The following TBXAS1 variants were observed in gnomAD, a reference collection of about 807,000 sequenced individuals.
TBXAS1 encodes thromboxane-A synthase.
In TBXAS1, 48 loss-of-function variants were observed where a neutral mutation model predicts 60.7. The ratio of observed to expected loss-of-function variants is 0.79; its 90% confidence interval spans 0.63 to 1.01. TBXAS1 has a LOEUF of 1.01. Ranked by LOEUF, TBXAS1 falls within the 50% of genes least tolerant of loss-of-function variation. The pLI, the probability that TBXAS1 is intolerant of heterozygous loss-of-function variation, is 0.00. For synonymous variants in TBXAS1, 287 were observed against 269.7 expected, an observed-to-expected ratio of 1.06 and a Z score of -0.63; for missense variants, 685 against 686.3, an observed-to-expected ratio of 1.00 and a Z score of 0.02.
intron 4 of TBXAS1, among the ~76,000 whole-genome samples, chr7:139,917,713 A>G (rs1220576231): frequency 6.6e-6 from 1 of 152,252 alleles, no homozygotes; most frequent in African/African-American, 2.4e-5. Context: ...TTGATTCTCA[A>G]TGCTCAAATG....
intron 7 of TBXAS1, among the ~76,000 whole-genome samples, chr7:139,956,174 T>C (rs1375314415): frequency 6.6e-6 from 1 of 152,152 alleles, no homozygotes; most frequent in Non-Finnish European, 1.5e-5. Flanking sequence ...TAGATGGAGT[T>C]TCGCTGTTGT....
chr7:139,806,242 G>GTTATTTTATTTTATT (rs56308016), intron 4 of TBXAS1, among the ~76,000 whole-genome samples: 2,110 of 126,016 alleles, frequency 0.017, 42 homozygotes, highest in Middle Eastern at 0.038. Flanking sequence ...CCTGGCCTAT[G>GTTATTTTATTTTATT]TTATTTTATT....
intron 4 of TBXAS1, among the ~76,000 whole-genome samples, chr7:139,818,474 G>A (rs1798210325): frequency 6.6e-6 from 1 of 152,136 alleles, no homozygotes; most frequent in Non-Finnish European, 1.5e-5. Context: ...GCCTCCCAAA[G>A]TGCTAGGATT....
intron 1 of TBXAS1, among the ~76,000 whole-genome samples, chr7:139,857,520 T>A (rs780587886): frequency 2.6e-5 from 4 of 152,182 alleles, no homozygotes; most frequent in Non-Finnish European, 5.9e-5. Context: ...TTCATAAATA[T>A]CAGTCACTTC....
Position 139,936,286 on chromosome 7 carries a change from C to T in TBXAS1, c.429C>T (p.Phe143=). ...EEVRGALMSA[F]SPEKLNEMVP... The stretch of plus-strand genomic sequence containing the variant: ...TCAGAGGTGCCCTGATGTCTGCTTT[C>T]AGTCCTGAAAAGCTGAACGAGGTAA... The change falls in exon 5 of 13, where the codon TTC becomes TTT. Residue 143 remains phenylalanine, a synonymous_variant. Transcript: ENST00000448866. The T allele has an allele frequency of 6.2e-7, 1 of 1,614,218 alleles. No individual in the cohort carries two copies. The highest frequency in any genetic ancestry group is 8.5e-7 in the Non-Finnish European group (1 of 1,180,020).
chr7:139,820,646 T>C (rs1798272515), intron 4 of TBXAS1, among the ~76,000 whole-genome samples: 1 of 152,108 alleles, frequency 6.6e-6, no homozygotes, highest in Non-Finnish European at 1.5e-5. Context: ...CCTTTCCTTT[T>C]GGAAGGAAGT....
At chr7:139,979,479 C>A (rs1289947401) in intron 9 of TBXAS1, among the ~76,000 whole-genome samples, 1 of 152,094 alleles carries the variant, frequency 6.6e-6, no homozygotes, top group Non-Finnish European at 1.5e-5. Flanking sequence ...GTAATCCCAG[C>A]ACTTTGGGAG....
intron 1 of TBXAS1, among the ~76,000 whole-genome samples, chr7:139,868,785 T>G (rs1801615958): frequency 6.6e-6 from 1 of 150,766 alleles, no homozygotes; most frequent in Admixed American, 6.7e-5. Flanking sequence ...GCCTCCCGAG[T>G]AGTTGGGATT....
intron 4 of TBXAS1, among the ~76,000 whole-genome samples, chr7:139,809,802 G>A (rs1797982596): frequency 6.6e-6 from 1 of 152,142 alleles, no homozygotes; most frequent in African/African-American, 2.4e-5. Flanking sequence ...GCCCGTCCAT[G>A]TTGAGGGTGA....
intron 5 of TBXAS1, among the ~76,000 whole-genome samples, chr7:139,950,666 C>A: frequency 7.8e-6 from 1 of 127,586 alleles, no homozygotes; most frequent in Non-Finnish European, 1.7e-5. Context: ...ACTCCCTCAC[C>A]CTCCATCTAC....
chr7:139,867,856 A>ATAAT (rs1396952959), intron 1 of TBXAS1, among the ~76,000 whole-genome samples: 1 of 151,692 alleles, frequency 6.6e-6, no homozygotes, highest in African/African-American at 2.4e-5. Context: ...AAATAAATAA[A>ATAAT]TAAAGAGAAA....
At chr7:139,833,580 G>A (rs1378326400) in intron 1 of TBXAS1, among the ~76,000 whole-genome samples, 4 of 151,582 alleles carry the variant, frequency 2.6e-5, no homozygotes, top group Non-Finnish European at 1.5e-5. Flanking sequence ...AGCTACTTGG[G>A]AGGCTGAGGC....
chr7:139,957,548 G>A (rs1466782357), intron 7 of TBXAS1, 86 bp from the exon 8 acceptor site: 5 of 1,595,632 alleles, frequency 3.1e-6, no homozygotes, highest in Non-Finnish European at 3.4e-6. Flanking sequence ...TTCCAGGCCC[G>A]CGTTTGCTTC....
At chr7:139,833,150 A>G (rs1186872323) in intron 1 of TBXAS1, among the ~76,000 whole-genome samples, 1 of 152,236 alleles carries the variant, frequency 6.6e-6, no homozygotes, top group Non-Finnish European at 1.5e-5. Flanking sequence ...TTTCAATACT[A>G]ACACTGAATG....
intron 2 of TBXAS1, among the ~76,000 whole-genome samples, chr7:139,874,571 G>T (rs1169943622): frequency 1.3e-5 from 2 of 152,130 alleles, no homozygotes; most frequent in Admixed American, 6.5e-5. Flanking sequence ...CATGAGAAAG[G>T]CATGTGTTTC....
At chr7:140,007,298 C>A in intron 10 of TBXAS1, 116 bp downstream of exon 10, 2 of 911,160 alleles carry the variant, frequency 2.2e-6, no homozygotes, top group Non-Finnish European at 3.6e-6. Flanking sequence ...TGGAGGGCAA[C>A]GCCTGAGTCC....
At chr7:139,961,223 G>C (rs1810310293) in intron 8 of TBXAS1, among the ~76,000 whole-genome samples, 1 of 152,200 alleles carries the variant, frequency 6.6e-6, no homozygotes, top group Non-Finnish European at 1.5e-5. Flanking sequence ...TTTGAAGACA[G>C]GCGCCGCCAA....
rs569351646 is a variant in TBXAS1 at position 139,820,512 on chromosome 7, A to G, written c.-79-8800A>G. 2.1e-4 allele frequency among the ~76,000 whole-genome samples: 32 copies of G among 152,188 alleles called. 1 individual carries two copies. Among genetic ancestry groups the G allele is most frequent in the Admixed American group, 6.5e-4 (10 of 15,282 alleles). On this transcript the variant is annotated intron_variant, in intron 4 of 16. Coordinates refer to the TBXAS1 transcript ENST00000336425. ...TGATGGGGGCACCTGATTGATGTTG[A>G]CACGCCAATGTTGGGCTATCATCGG...
intron 4 of TBXAS1, among the ~76,000 whole-genome samples, chr7:139,800,590 C>G (rs1797694427): frequency 6.6e-6 from 1 of 152,068 alleles, no homozygotes; most frequent in South Asian, 2.1e-4. Flanking sequence ...CATCTTTTTT[C>G]TGCCTCCCCC....
Sources: gnomAD v4.1 joint callset for allele counts (sites outside exome capture counted in the v4.1 genomes callset) on GRCh38, gnomAD v4.1.1 for gene constraint, MANE v1.5 for transcripts, NCBI Gene and HGNC (gene_info 2026-07-23, HGNC 2026-07-21) for gene names.